Variants in STK32B observed in about 807,000 individuals in gnomAD.
The protein encoded by STK32B is serine/threonine kinase 32B, also known as serine/threonine-protein kinase 32B.
Under a neutral mutation model 52.6 loss-of-function variants are expected in STK32B, and 43 were observed. That is an observed-to-expected ratio of 0.82 (90% confidence interval 0.64 to 1.05). The LOEUF (loss-of-function observed/expected upper bound fraction) is 1.05. Among genes scored for constraint, STK32B ranks in the 50% least tolerant of loss-of-function variants. STK32B has a pLI of 0.00. For synonymous variants in STK32B, 238 were observed against 204.3 expected, an observed-to-expected ratio of 1.17 and a Z score of -1.41; for missense variants, 621 against 534.6, an observed-to-expected ratio of 1.16 and a Z score of -1.59.
At chr4:5,409,021 C>T (rs1197687330) in intron 5 of STK32B, among the ~76,000 whole-genome samples, 5 of 152,114 alleles carry the variant, frequency 3.3e-5, no homozygotes, top group Admixed American at 1.3e-4. Context: ...GAGACAGTCA[C>T]TTTCTCAACT....
chr4:5,390,605 C>T (rs953037090), intron 4 of STK32B, among the ~76,000 whole-genome samples: 1 of 152,074 alleles, frequency 6.6e-6, no homozygotes, highest in Admixed American at 6.5e-5. Flanking sequence ...TCTGTGTGTA[C>T]CTGGTCTCCT....
intron 4 of STK32B, among the ~76,000 whole-genome samples, chr4:5,392,611 T>C (rs959720377): frequency 3.9e-5 from 6 of 152,084 alleles, no homozygotes; most frequent in Non-Finnish European, 7.4e-5. Flanking sequence ...AGGTCTTACC[T>C]CTACCGGTGT....
intron 11 of STK32B, among the ~76,000 whole-genome samples, chr4:5,488,445 CT>C (rs558113648): frequency 1.1e-4 from 17 of 151,498 alleles, no homozygotes; most frequent in South Asian, 4.2e-4. Context: ...ATATAGGGAA[CT>C]TTTTTTTTAG....
chr4:5,358,951 A>T (rs1734363228), intron 4 of STK32B, among the ~76,000 whole-genome samples: 1 of 152,128 alleles, frequency 6.6e-6, no homozygotes, highest in Non-Finnish European at 1.5e-5. Flanking sequence ...TCTGAATAGG[A>T]TTTTGATAGG....
chr4:5,337,271 G>A (rs1229544186), intron 4 of STK32B, among the ~76,000 whole-genome samples: 1 of 151,992 alleles, frequency 6.6e-6, no homozygotes, highest in East Asian at 1.9e-4. Flanking sequence ...TTATAGGTGT[G>A]AGCCACAGTG....
intron 11 of STK32B, among the ~76,000 whole-genome samples, chr4:5,492,926 C>T (rs1232735883): frequency 2.0e-5 from 3 of 150,918 alleles, no homozygotes; most frequent in Admixed American, 1.3e-4. Flanking sequence ...GGGATGAAGC[C>T]CACTTGATCA....
At chr4:5,212,525 G>A (rs558915773) in intron 3 of STK32B, among the ~76,000 whole-genome samples, 2 of 152,318 alleles carry the variant, frequency 1.3e-5, no homozygotes, top group South Asian at 4.1e-4. Flanking sequence ...AGGTTTTCCT[G>A]CAGAAGCACC....
At chr4:5,336,824 GATTT>G (rs1732732901) in intron 4 of STK32B, among the ~76,000 whole-genome samples, 1 of 152,144 alleles carries the variant, frequency 6.6e-6, no homozygotes, top group Admixed American at 6.6e-5. Flanking sequence ...TGAAATACAT[GATTT>G]TCTATATTGA....
rs140272952 is a variant in STK32B, at chr4:5,484,609, G to T, written c.1107-14336G>T. On this transcript the variant is annotated intron_variant, in intron 11 of 11. Transcript: ENST00000282908. ...TTACATTTCAGGTTAATATTGTTAC[G>T]TGTGAATTTGATCCTGTCATTATGA... 7.8e-3 allele frequency among the ~76,000 whole-genome samples: 1,186 copies of T among 152,226 alleles called. 18 individuals carry two copies. Among genetic ancestry groups the T allele is most frequent in the African/African-American group, 0.027 (1,126 of 41,532 alleles).
intron 4 of STK32B, among the ~76,000 whole-genome samples, chr4:5,385,459 G>A (rs1227566987): frequency 7.1e-6 from 1 of 141,396 alleles, no homozygotes; most frequent in Non-Finnish European, 1.5e-5. Context: ...AGGGAGGGGG[G>A]TTTTGGCGTT....
At chr4:5,416,459 T>C (rs916509529) in intron 5 of STK32B, among the ~76,000 whole-genome samples, 1 of 152,106 alleles carries the variant, frequency 6.6e-6, no homozygotes, top group Non-Finnish European at 1.5e-5. Context: ...CAGTGTCCTC[T>C]GGGTGGGAGA....
At chr4:5,404,072 G>A (rs2109053802) in intron 5 of STK32B, among the ~76,000 whole-genome samples, 1 of 152,208 alleles carries the variant, frequency 6.6e-6, no homozygotes, top group African/African-American at 2.4e-5. Context: ...GGGTATTAAA[G>A]TCCTACAGAC....
At chr4:5,245,699 A>C (rs1437456979) in intron 3 of STK32B, among the ~76,000 whole-genome samples, 1 of 152,146 alleles carries the variant, frequency 6.6e-6, no homozygotes, top group African/African-American at 2.4e-5. Flanking sequence ...ATGTTTTCGC[A>C]GTGGCTGGTA....
the STK32B span, among the ~76,000 whole-genome samples, chr4:5,034,128 A>G: frequency 3.3e-5 from 5 of 152,372 alleles, no homozygotes; most frequent in South Asian, 1.0e-3. Context: ...GCCGTTACAC[A>G]GCTTTCCTAA....
intron 3 of STK32B, among the ~76,000 whole-genome samples, chr4:5,246,879 A>G (rs1023905863): frequency 6.6e-5 from 10 of 152,224 alleles, no homozygotes; most frequent in African/African-American, 2.2e-4. Context: ...CGGTGGCTGC[A>G]GAACAGTGGA....
At chr4:5,135,084 C>G (rs761097003) in intron 1 of STK32B, among the ~76,000 whole-genome samples, 9 of 152,220 alleles carry the variant, frequency 5.9e-5, no homozygotes, top group Non-Finnish European at 1.0e-4. Context: ...CACTAATACA[C>G]TTCCAGATTT....
intron 1 of STK32B, among the ~76,000 whole-genome samples, chr4:5,118,584 A>C (rs6844525): frequency 0.24 from 36,108 of 152,118 alleles, 4,667 homozygotes; most frequent in East Asian, 0.41. Flanking sequence ...TGCCCTGGCC[A>C]CCTGTGCTGA....
chr4:5,218,980 T>G (rs1221434344), intron 3 of STK32B, among the ~76,000 whole-genome samples: 2 of 152,152 alleles, frequency 1.3e-5, no homozygotes, highest in South Asian at 2.1e-4. Context: ...ATATTCCCAA[T>G]GCTGCCCTCG....
At chr4:5,166,750 T>C (rs1165607505) in intron 2 of STK32B, among the ~76,000 whole-genome samples, 1 of 151,934 alleles carries the variant, frequency 6.6e-6, no homozygotes, top group African/African-American at 2.4e-5. Flanking sequence ...TAAATTTCTG[T>C]TGTTTAAATC....
Sources: allele counts gnomAD v4.1 joint callset (sites outside exome capture counted in the v4.1 genomes callset), GRCh38; gene constraint gnomAD v4.1.1; transcripts MANE v1.5; gene names NCBI Gene and HGNC (gene_info 2026-07-23, HGNC 2026-07-21).